PCK2: variants seen among roughly 807,000 people sequenced by gnomAD.
PCK2 encodes the protein phosphoenolpyruvate carboxykinase [GTP], mitochondrial.
Under a neutral mutation model 65.9 loss-of-function variants are expected in PCK2, and 56 were observed. The observed-to-expected ratio is 0.85, with a 90% CI of 0.69 to 1.06. The LOEUF (loss-of-function observed/expected upper bound fraction) is 1.06, where lower values mean the gene tolerates loss of function less well. Among genes scored for constraint, PCK2 ranks in the 50% least tolerant of loss-of-function variants. The probability of loss-of-function intolerance (pLI) is 0.00; values close to 1 mark genes in which losing one functional copy is unlikely to be tolerated. For synonymous variants in PCK2, 305 were observed against 319.6 expected (o/e 0.95, Z 0.49); for missense variants, 843 against 863.1 (o/e 0.98, Z 0.29).
chr14:24,097,099 G>T lies in PCK2; in HGVS notation c.237G>T (p.Gln79His), dbSNP rs776842460. The T allele has an allele frequency of 6.2e-7, 1 of 1,613,940 alleles. No homozygotes were observed. Among genetic ancestry groups the T allele is most frequent in the Non-Finnish European group, 8.5e-7 (1 of 1,179,926 alleles). ...ENTATLTLLE[Q>H]QGLIRKLPKY... ...CTGCCACACTGACCCTGCTGGAGCA[G>T]CAGGGCCTCATCCGAAAGCTCCCCA... The change falls in exon 2 of 10, where the codon CAG becomes CAT. Residue 79 changes from glutamine (Q) to histidine (H), a missense_variant. Gln to His is a conservative substitution (Grantham distance 24). Transcript: ENST00000216780.
At chr14:24,098,754 C>A in intron 4 of PCK2, 76 bp downstream of exon 4, 3 of 1,268,462 alleles carry the variant, frequency 2.4e-6, no homozygotes, top group African/African-American at 1.5e-5. Context: ...CCTACCTCTC[C>A]ACAGACCCTA....
At chr14:24,102,495 CATT>C (rs1476687388) in intron 7 of PCK2, among the ~76,000 whole-genome samples, 2 of 152,176 alleles carry the variant, frequency 1.3e-5, no homozygotes, top group African/African-American at 4.8e-5. Context: ...TTGGCACAAA[CATT>C]AGTGCCCTGC....
chr14:24,098,310 G>C lies in PCK2; in HGVS notation c.383G>C (p.Arg128Pro). The C allele has an allele frequency of 1.2e-6, 2 of 1,614,106 alleles. No homozygotes were observed. Among genetic ancestry groups the C allele is most frequent in the Non-Finnish European group, 1.7e-6 (2 of 1,179,970 alleles). ...GTACCACTCCCGCCTGGTGGGGCCC[G>C]TGGGCAGCTGGGCAACTGGATGTCC... ...DTVPLPPGGA[R>P]GQLGNWMSPA... The change falls in exon 3 of 10, where the codon CGT (arginine) becomes CCT (proline). Residue 128 changes from arginine (R) to proline (P), a missense_variant. Physicochemically the swap from Arg to Pro is moderately radical, Grantham distance 103. Transcript: ENST00000216780.
intron 7 of PCK2, 56 bp downstream of exon 7, chr14:24,100,269 G>A: frequency 1.9e-6 from 3 of 1,592,466 alleles, no homozygotes; most frequent in Non-Finnish European, 2.6e-6. Context: ...CCTTAATGGT[G>A]GAAAAGCTTT....
chr14:24,094,366 G>T lies in PCK2; in HGVS notation c.-40G>T. On this transcript the variant is annotated 5_prime_UTR_variant, in exon 1 of 10. Transcript: ENST00000216780. This position sits in a 1 kb window ranked among gnomAD's most constrained non-coding sequence, Gnocchi z 4.1. ...CCGCCTTCCATACCTCCCCGGCTCCGCTCGGTTCCTGGCCACCCCGCAGCC... is the reference window on the plus strand; with the variant it reads ...CCGCCTTCCATACCTCCCCGGCTCCTCTCGGTTCCTGGCCACCCCGCAGCC... The T allele has an allele frequency of 6.5e-7, 1 of 1,528,298 alleles. No individual in the cohort carries two copies. The allele number at this position is 1,528,298 out of a possible 1,614,324, so 94.7% of individuals were successfully genotyped here.
At chr14:24,103,063 G>A in intron 8 of PCK2, 97 bp from the exon 9 acceptor site, 1 of 1,215,696 alleles carries the variant, frequency 8.2e-7, no homozygotes, top group Admixed American at 1.8e-5. Context: ...GATAGCCGAG[G>A]TCTTAGGAGA....
chr14:24,094,267 C>T (rs1292476446), upstream of PCK2: 4 of 800,438 alleles, frequency 5.0e-6, no homozygotes, highest in African/African-American at 5.5e-5. The surrounding 1 kb of genome is among the most constrained non-coding windows in gnomAD (Gnocchi z 4.1). Flanking sequence ...TCCGCCCCCG[C>T]GCCTGCCCCC....
intron 9 of PCK2, 32 bp downstream of exon 9, chr14:24,103,287 T>C (rs2037240404): frequency 6.5e-7 from 1 of 1,537,524 alleles, no homozygotes; most frequent in Non-Finnish European, 9.0e-7. Flanking sequence ...CCCTCTCCTG[T>C]GTGTGCACAC....
chr14:24,094,377 G>A lies in PCK2; in HGVS notation c.-29G>A. Reference sequence around the variant, plus strand: ...ACCTCCCCGGCTCCGCTCGGTTCCTGGCCACCCCGCAGCCCCTGCCCAGGT... The same window carrying A: ...ACCTCCCCGGCTCCGCTCGGTTCCTAGCCACCCCGCAGCCCCTGCCCAGGT... On this transcript the variant is annotated 5_prime_UTR_variant, in exon 1 of 10. Transcript: ENST00000216780. This position sits in a 1 kb window ranked among gnomAD's most constrained non-coding sequence, Gnocchi z 4.1. 1.3e-6 allele frequency: 2 copies of A among 1,543,136 alleles called. No homozygotes were observed. The highest frequency in any genetic ancestry group is 1.7e-6 in the Non-Finnish European group (2 of 1,147,436).
intron 1 of PCK2, chr14:24,095,200 C>T (rs893639329): frequency 8.8e-6 from 4 of 456,096 alleles, no homozygotes; most frequent in Admixed American, 7.0e-5. Context: ...TCCACTTGGG[C>T]AGCCCTTGTG....
intron 7 of PCK2, chr14:24,100,655 T>C (rs2037126734): frequency 1.1e-6 from 1 of 894,618 alleles, no homozygotes; most frequent in Non-Finnish European, 1.4e-6. Context: ...TCCATAAAGT[T>C]TGGCCCATTA....
In PCK2 at chr14:24,103,199, G is replaced by A. The variant is rs896618033; in HGVS notation, c.1412G>A (p.Gly471Glu). The A allele has an allele frequency of 6.2e-7, 1 of 1,614,004 alleles. No individual in the cohort carries two copies. The highest frequency in any genetic ancestry group is 1.3e-5 in the African/African-American group (1 of 74,926). The change falls in exon 9 of 10, where the codon GGG becomes GAG. Residue 471 changes from glycine (G) to glutamate (E), a missense_variant. Transcript: ENST00000216780. ...TACGAGGCCTTCAACTGGCGTCATG[G>A]GGTGTTTGTGGGCAGCGCCATGCGC... Reference protein sequence around the residue: ...LVYEAFNWRHGVFVGSAMRSE... With the variant: ...LVYEAFNWRHEVFVGSAMRSE...
In PCK2 at chr14:24,098,341, TG is replaced by T. The variant is rs780697440; in HGVS notation, c.415del (p.Asp139IlefsTer53). ...GQLGNWMSPA[D>X]FQRAVDERFP... ...AGCTGGGCAACTGGATGTCCCCAGCTGATTTCCAGCGAGCTGTGGATGAGAG... is the reference window on the plus strand; with the variant it reads ...AGCTGGGCAACTGGATGTCCCCAGCTATTTCCAGCGAGCTGTGGATGAGAG... On this transcript the variant is annotated frameshift_variant, in exon 3 of 10. Coordinates refer to ENST00000216780, the MANE Select transcript of PCK2 (RefSeq NM_004563.4). LOFTEE classifies it high-confidence loss of function. The T allele has an allele frequency of 9.3e-6, 15 of 1,613,782 alleles. No individual in the cohort carries two copies. Among genetic ancestry groups the T allele is most frequent in the Admixed American group, 8.3e-5 (5 of 59,998 alleles).
chr14:24,098,179 T>G (rs750129430), intron 2 of PCK2, 24 bp from the exon 3 acceptor site: 9 of 1,571,938 alleles, frequency 5.7e-6, no homozygotes, highest in Admixed American at 5.4e-5. Flanking sequence ...GCCACCATCT[T>G]CCTGACAATC....
intron 1 of PCK2, among the ~76,000 whole-genome samples, chr14:24,096,607 G>A (rs2036896772): frequency 6.6e-6 from 1 of 152,124 alleles, no homozygotes; most frequent in Non-Finnish European, 1.5e-5. Flanking sequence ...AGTAACATCA[G>A]CATGCCTACA....
chr14:24,099,958 T>C (rs748861974), intron 6 of PCK2, 37 bp from the exon 7 acceptor site: 1 of 1,614,158 alleles, frequency 6.2e-7, no homozygotes, highest in Non-Finnish European at 8.5e-7. Context: ...CAAGTTTTCC[T>C]TGTTTGGTCC....
chr14:24,097,572 AAAAAG>A (rs2036949471), intron 2 of PCK2, among the ~76,000 whole-genome samples: 1 of 131,570 alleles, frequency 7.6e-6, no homozygotes, highest in South Asian at 2.7e-4. Context: ...CTCAAAAAAA[AAAAAG>A]AAAGAAACTG....
intron 1 of PCK2, chr14:24,095,036 A>T (rs1594281518): frequency 2.2e-6 from 1 of 449,490 alleles, no homozygotes; most frequent in East Asian, 7.1e-5. Context: ...TTCGTTTCTT[A>T]CATAGCTGGC....
chr14:24,098,960 G>A, intron 4 of PCK2, 89 bp from the exon 5 acceptor site: 1 of 1,022,868 alleles, frequency 9.8e-7, no homozygotes, highest in South Asian at 1.5e-5. Flanking sequence ...GCTCCCAAGT[G>A]TCTCTCCTGC....
Sources: allele counts gnomAD v4.1 joint callset (sites outside exome capture counted in the v4.1 genomes callset), GRCh38; gene constraint gnomAD v4.1.1; non-coding constraint Gnocchi (gnomAD v3.1); transcripts MANE v1.5; gene names NCBI Gene and HGNC (gene_info 2026-07-23, HGNC 2026-07-21).